PACRG: variants seen among roughly 807,000 people sequenced by gnomAD.
PACRG encodes the protein parkin coregulated gene protein.
PACRG carries 29 observed loss-of-function variants against 29.7 expected under a neutral mutation model. That is an observed-to-expected ratio of 0.98 (90% confidence interval 0.73 to 1.33). The LOEUF (loss-of-function observed/expected upper bound fraction) is 1.33, where lower values mean the gene tolerates loss of function less well. Among genes scored for constraint, PACRG ranks in the 40% most tolerant of loss-of-function variants. The pLI, the probability that PACRG is intolerant of heterozygous loss-of-function variation, is 0.00. For synonymous variants in PACRG, 116 were observed against 118.7 expected, an observed-to-expected ratio of 0.98 and a Z score of 0.15; for missense variants, 279 against 316.2, an observed-to-expected ratio of 0.88 and a Z score of 0.89.
intron 1 of PACRG, among the ~76,000 whole-genome samples, chr6:162,745,661 G>A (rs894838433): frequency 1.3e-5 from 2 of 152,112 alleles, no homozygotes; most frequent in East Asian, 1.9e-4. Flanking sequence ...TTAATAACTA[G>A]GATGACTGCT....
chr6:163,229,827 A>T (rs6921986), intron 4 of PACRG, among the ~76,000 whole-genome samples: 47,792 of 152,012 alleles, frequency 0.31, 9,816 homozygotes, highest in African/African-American at 0.6. Flanking sequence ...CTTTAGCGGC[A>T]GTTGTCAGCA....
intron 4 of PACRG, among the ~76,000 whole-genome samples, chr6:163,155,213 C>T (rs1585273811): frequency 6.6e-6 from 1 of 152,170 alleles, no homozygotes; most frequent in African/African-American, 2.4e-5. Flanking sequence ...CCTTCCCGAG[C>T]CCGCTTTCCA....
Position 163,204,740 on chromosome 6 carries a change from C to T in PACRG, c.614-110087C>T, listed in dbSNP as rs146894851. Reference sequence around the variant, plus strand: ...TTCTGGAAGTCCTGACCAGGGCAATCGGGCATGAGAAAGAAAGAAAAAGAG... The same window carrying T: ...TTCTGGAAGTCCTGACCAGGGCAATTGGGCATGAGAAAGAAAGAAAAAGAG... On this transcript the variant is annotated intron_variant, in intron 4 of 4. Transcript: ENST00000366888. Among the ~76,000 whole-genome samples the T allele has an allele frequency of 4.1e-4, 63 of 152,222 alleles. 2 individuals are homozygous for T. In the East Asian group the frequency reaches 8.7e-3, roughly 21 times the overall value.
At chr6:163,163,551 C>G (rs1031844083) in intron 4 of PACRG, among the ~76,000 whole-genome samples, 1 of 152,174 alleles carries the variant, frequency 6.6e-6, no homozygotes, top group Non-Finnish European at 1.5e-5. Flanking sequence ...GGATTACAGG[C>G]GTGAGCCACC....
rs562622849 is a variant in PACRG at position 163,187,983 on chromosome 6, T to A, written c.613+98575T>A. The stretch of plus-strand genomic sequence containing the variant: ...CCACTCTTCAACAAGGCAGGAAACA[T>A]GAGGGGAGAGTTAAAAAGTCCCAAA... On this transcript the variant is annotated intron_variant, in intron 4 of 4. Coordinates refer to ENST00000366888, the MANE Select transcript of PACRG (RefSeq NM_001080379.2). 3.3e-5 allele frequency: 5 copies of A among 152,320 alleles called. No homozygotes were observed. The South Asian group carries it at 1.0e-3, about 32-fold the overall frequency. The allele number at this position is 152,320 out of a possible 1,614,324, so 9.4% of individuals were successfully genotyped here. A position where few individuals can be genotyped will look rare whatever the true frequency, so the allele number is the denominator to read the frequency against.
chr6:163,150,389 C>G (rs1283375820), intron 4 of PACRG, among the ~76,000 whole-genome samples: 5 of 152,192 alleles, frequency 3.3e-5, no homozygotes, highest in Non-Finnish European at 7.3e-5. Context: ...TAATCCTCCT[C>G]TACAGGCTTC....
intron 3 of PACRG, among the ~76,000 whole-genome samples, chr6:163,078,383 A>G (rs1812742357): frequency 6.6e-6 from 1 of 151,918 alleles, no homozygotes. Flanking sequence ...GGTGCCTGTA[A>G]TCCCAGCTAC....
At chr6:162,738,197 G>A (rs1370154918) in intron 1 of PACRG, among the ~76,000 whole-genome samples, 1 of 152,146 alleles carries the variant, frequency 6.6e-6, no homozygotes, top group African/African-American at 2.4e-5. Flanking sequence ...GAATATATAT[G>A]TATTCGTATA....
chr6:162,814,427 CCCT>C, intron 2 of PACRG, 146 bp downstream of exon 2: 1 of 1,002,000 alleles, frequency 1.0e-6, no homozygotes, highest in Non-Finnish European at 1.4e-6. Flanking sequence ...GAGAAAGCCC[CCCT>C]GTGTCAGCCA....
Position 163,182,400 on chromosome 6 carries a change from T to G in PACRG, c.613+92992T>G, listed in dbSNP as rs185538926. Among the ~76,000 whole-genome samples the G allele has an allele frequency of 4.3e-3, 654 of 152,354 alleles. 2 individuals are homozygous for G. Among genetic ancestry groups the G allele is most frequent in the Admixed American group, 7.9e-3 (121 of 15,304 alleles). ...CAAGAATGATCTTTGGAATGTTCTGTTTACAAAATCAACCCAAACAAGATA... is the reference window on the plus strand; with the variant it reads ...CAAGAATGATCTTTGGAATGTTCTGGTTACAAAATCAACCCAAACAAGATA... On this transcript the variant is annotated intron_variant, in intron 4 of 4. Coordinates refer to ENST00000366888, the MANE Select transcript of PACRG (RefSeq NM_001080379.2).
intron 2 of PACRG, among the ~76,000 whole-genome samples, chr6:162,918,289 A>C (rs1458121348): frequency 6.6e-6 from 1 of 152,196 alleles, no homozygotes; most frequent in African/African-American, 2.4e-5. Context: ...CTGGAAGTGC[A>C]TGTGACGTCC....
chr6:162,842,054 G>GA (rs1364779141), intron 2 of PACRG, among the ~76,000 whole-genome samples: 5 of 150,294 alleles, frequency 3.3e-5, no homozygotes, highest in Non-Finnish European at 7.4e-5. Flanking sequence ...GTGTGGTGCT[G>GA]AAAAAAATGT....
chr6:162,903,784 T>G (rs1430336613), intron 2 of PACRG, among the ~76,000 whole-genome samples: 1 of 152,186 alleles, frequency 6.6e-6, no homozygotes, highest in Non-Finnish European at 1.5e-5. Flanking sequence ...TTTGGGAAAC[T>G]GCCCCCAAAT....
chr6:163,043,564 C>A (rs866290865), intron 2 of PACRG, among the ~76,000 whole-genome samples: 2 of 151,802 alleles, frequency 1.3e-5, no homozygotes, highest in Admixed American at 6.6e-5. Flanking sequence ...AAAAAAAAAT[C>A]ATCAGTTCGA....
At chr6:163,296,364 C>A (rs867478045) in intron 4 of PACRG, among the ~76,000 whole-genome samples, 1 of 152,134 alleles carries the variant, frequency 6.6e-6, no homozygotes, top group Admixed American at 6.5e-5. Flanking sequence ...AGCACAATCT[C>A]GGCTCACTGC....
chr6:163,081,785 A>C (rs922964475), intron 3 of PACRG, among the ~76,000 whole-genome samples: 1 of 152,148 alleles, frequency 6.6e-6, no homozygotes, highest in Non-Finnish European at 1.5e-5. Flanking sequence ...AGTAAATGCC[A>C]TATTTTATGT....
intron 4 of PACRG, among the ~76,000 whole-genome samples, chr6:163,155,132 G>A (rs372896225): frequency 9.2e-5 from 14 of 152,190 alleles, no homozygotes; most frequent in East Asian, 7.7e-4. Flanking sequence ...CAACTGCTGC[G>A]AAGGCTGCTT....
chr6:163,170,499 C>A (rs997144474), intron 4 of PACRG: 7 of 152,246 alleles, frequency 4.6e-5, no homozygotes, highest in African/African-American at 1.7e-4. Flanking sequence ...CCAGAATCCC[C>A]TGCTCCCGCT....
intron 2 of PACRG, among the ~76,000 whole-genome samples, chr6:163,019,146 T>C (rs1408474690): frequency 1.3e-5 from 2 of 152,246 alleles, no homozygotes; most frequent in Non-Finnish European, 2.9e-5. Context: ...AGCAGGCTTT[T>C]ATTGTCTGTA....
Sources: gnomAD v4.1 joint callset for allele counts (sites outside exome capture counted in the v4.1 genomes callset) on GRCh38, gnomAD v4.1.1 for gene constraint, MANE v1.5 for transcripts, NCBI Gene and HGNC (gene_info 2026-07-23, HGNC 2026-07-21) for gene names.